ATP2B3: variants seen among roughly 807,000 people sequenced by gnomAD.
ATP2B3 encodes plasma membrane calcium-transporting ATPase 3.
Under a neutral mutation model 70.8 loss-of-function variants are expected in ATP2B3, and 12 were observed. That is an observed-to-expected ratio of 0.17 (90% CI 0.11 to 0.27). The LOEUF (loss-of-function observed/expected upper bound fraction) is 0.27. ATP2B3 is among the 10% of genes least tolerant of loss of function. The pLI, the probability that ATP2B3 is intolerant of heterozygous loss-of-function variation, is 1.00. For missense variants in ATP2B3, 858 were observed against 1,118.5 expected (o/e 0.77, Z 3.32); for synonymous variants, 460 against 497.8 (o/e 0.92, Z 1.01).
chrX:153,541,307 C>A, intron 3 of ATP2B3, 52 bp from the exon 4 acceptor site: 1 of 1,197,647 alleles, frequency 8.3e-7, no homozygotes, highest in Non-Finnish European at 1.1e-6. Context: ...ACACACAAGG[C>A]CGACCCGTCC....
intron 21 of ATP2B3, among the ~76,000 whole-genome samples, chrX:153,574,325 A>G (rs782011602): frequency 2.0e-4 from 22 of 112,574 alleles, no homozygotes; most frequent in Non-Finnish European, 3.8e-5. Flanking sequence ...TGTGTTCAGA[A>G]TCTGCTCTAA....
At position 153,546,106 on chromosome X, in the gene ATP2B3, C is replaced by A; in HGVS notation, c.935C>A (p.Ala312Asp). 1 of 1,211,152 alleles carries A rather than the reference C, an allele frequency of 8.3e-7. No homozygotes were observed. Among genetic ancestry groups the A allele is most frequent in the Non-Finnish European group, 1.1e-6 (1 of 895,316 alleles). ...KDKKGKQQDGAMESSQTKAKK... is the reference protein window; with the variant it reads ...KDKKGKQQDGDMESSQTKAKK... ...ATTGTAGGCAAGCAGCAGGATGGGG[C>A]CATGGAGAGTAGCCAGACCAAAGGT... Residue 312 changes from alanine to aspartate, a missense_variant, in exon 8 of 22, where the codon GCC (alanine) becomes GAC (aspartate). Ala to Asp is a moderately radical substitution (Grantham distance 126). Transcript: ENST00000263519.
intron 21 of ATP2B3, among the ~76,000 whole-genome samples, 179 bp downstream of exon 21, chrX:153,565,282 C>T (rs1557017826): frequency 1.8e-5 from 2 of 113,519 alleles, no homozygotes; most frequent in Non-Finnish European, 3.7e-5. Context: ...GGGCTGTGCC[C>T]GCTGATGGCT....
At chrX:153,556,777 C>T (rs2124478675) in intron 15 of ATP2B3, 140 bp from the exon 16 acceptor site, 1 of 582,782 alleles carries the variant, frequency 1.7e-6, no homozygotes, top group South Asian at 2.7e-5. Flanking sequence ...ACGGGGAGCA[C>T]AGATAATTGG....
At chrX:153,560,979 C>T in intron 19 of ATP2B3, 92 bp downstream of exon 19, 1 of 1,016,988 alleles carries the variant, frequency 9.8e-7, no homozygotes, top group African/African-American at 1.9e-5. Context: ...TAGTACTGGC[C>T]TCCCCACCTC....
chrX:153,574,919 T>C, intron 21 of ATP2B3: 1 of 323,602 alleles, frequency 3.1e-6, no homozygotes, highest in South Asian at 2.6e-5. Flanking sequence ...TCACCCGCCC[T>C]GTGTAAGGCT....
intron 2 of ATP2B3, among the ~76,000 whole-genome samples, chrX:153,532,403 C>T (rs2090130612): frequency 8.9e-6 from 1 of 112,591 alleles, no homozygotes; most frequent in Non-Finnish European, 1.9e-5. Flanking sequence ...AAAGAGGACC[C>T]CTGGGTCTCT....
In ATP2B3 at chrX:153,542,278, G is replaced by A. The variant is rs781959750; in HGVS notation, c.665-45G>A. 6.6e-6 allele frequency: 8 copies of A among 1,204,833 alleles called. No individual in the cohort carries two copies. In the East Asian group the frequency reaches 2.4e-4, roughly 36 times the overall value. On this transcript the variant is annotated intron_variant, in intron 5 of 21. Transcript: ENST00000263519. ...GACGGGACCTCCCCTGGGGCAGCCG[G>A]GAGGAGGCGGTGGGGAGAAAGGCCT...
intron 21 of ATP2B3, among the ~76,000 whole-genome samples, chrX:153,571,449 G>A (rs896487637): frequency 3.6e-5 from 4 of 112,186 alleles, no homozygotes; most frequent in African/African-American, 9.7e-5. Flanking sequence ...CCCACTCCAC[G>A]CGTTCCTCGA....
chrX:153,536,052 A>G (rs1366891285), intron 2 of ATP2B3, 70 bp from the exon 3 acceptor site: 2 of 468,930 alleles, frequency 4.3e-6, no homozygotes, highest in African/African-American at 4.8e-5. Flanking sequence ...TGCCGAGAAT[A>G]TTCTGGAAGA....
At chrX:153,551,656 A>T (rs782552867) in intron 12 of ATP2B3, among the ~76,000 whole-genome samples, 7 of 112,021 alleles carry the variant, frequency 6.2e-5, no homozygotes, top group Admixed American at 1.9e-4. Flanking sequence ...GGAATTGGAG[A>T]CTGGTGATGG....
intron 2 of ATP2B3, among the ~76,000 whole-genome samples, chrX:153,534,946 C>T (rs1206776339): frequency 2.7e-5 from 3 of 112,934 alleles, no homozygotes; most frequent in Admixed American, 9.3e-5. Flanking sequence ...TCGTTTCCAA[C>T]GGATGCTTCT....
At chrX:153,565,937 A>G (rs2090701242) in intron 21 of ATP2B3, among the ~76,000 whole-genome samples, 1 of 112,029 alleles carries the variant, frequency 8.9e-6, no homozygotes, top group South Asian at 3.7e-4. Flanking sequence ...CACTGCCTGG[A>G]GACTTGCTGT....
In ATP2B3 at chrX:153,557,272, G is replaced by A. The variant is rs191157576; in HGVS notation, c.2433+249G>A. ...GCCCCAGACATACTGTGGAGAGGAA[G>A]GGGAATGGGGGGTGGGGGCTCATCA... is the stretch of plus-strand genomic sequence containing the variant. On this transcript the variant is annotated intron_variant, in intron 16 of 21. Transcript: ENST00000263519. Among the ~76,000 whole-genome samples, 355 of 112,294 alleles carry A rather than the reference G, an allele frequency of 3.2e-3. 2 individuals are homozygous for A. Among genetic ancestry groups the A allele is most frequent in the South Asian group, 0.029 (78 of 2,678 alleles).
At chrX:153,571,319 G>A (rs1478122979) in intron 21 of ATP2B3, among the ~76,000 whole-genome samples, 1 of 112,323 alleles carries the variant, frequency 8.9e-6, no homozygotes, top group African/African-American at 3.2e-5. Flanking sequence ...GCATGGCTGT[G>A]CCTCCGCCTC....
chrX:153,564,466 C>T (rs2090672694), intron 20 of ATP2B3, among the ~76,000 whole-genome samples: 1 of 112,862 alleles, frequency 8.9e-6, no homozygotes, highest in Non-Finnish European at 1.9e-5. Context: ...ATGCTGCTCT[C>T]AAGCAGGATG....
chrX:153,562,935 G>A (rs1557016902), intron 20 of ATP2B3, among the ~76,000 whole-genome samples: 2 of 111,487 alleles, frequency 1.8e-5, no homozygotes, highest in African/African-American at 6.5e-5. Context: ...TCCTCACTCT[G>A]TGCTCACATG....
rs782250982 is a variant in ATP2B3, at chrX:153,580,781, CAA to C, written c.*497_*498del. ...GGGCAATCAGATCAGCATCTTCATGCAAAAAAAAAAAAAAAGTTGAGTGCTCT... is the reference window on the plus strand; with the variant it reads ...GGGCAATCAGATCAGCATCTTCATGCAAAAAAAAAAAAAGTTGAGTGCTCT... On this transcript the variant is annotated 3_prime_UTR_variant, in exon 22 of 22. Coordinates refer to ENST00000263519, the MANE Select transcript of ATP2B3 (RefSeq NM_001001344.3). The C allele has an allele frequency of 8.6e-5, 8 of 93,385 alleles. No homozygotes were observed. Among genetic ancestry groups the C allele is most frequent in the Non-Finnish European group, 1.1e-4 (5 of 47,473 alleles). The allele number at this position is 93,385 out of a possible 1,213,427, so 7.7% of individuals were successfully genotyped here.
chrX:153,576,824 G>T (rs895675054), intron 21 of ATP2B3, among the ~76,000 whole-genome samples: 41 of 111,975 alleles, frequency 3.7e-4, no homozygotes, highest in African/African-American at 1.3e-3. Context: ...CAGCCCTCTG[G>T]GATGGGCCTC....
Sources: gnomAD v4.1 joint callset for allele counts (sites outside exome capture counted in the v4.1 genomes callset) on GRCh38, gnomAD v4.1.1 for gene constraint, MANE v1.5 for transcripts, NCBI Gene and HGNC (gene_info 2026-07-23, HGNC 2026-07-21) for gene names.